The following TSC2 variants were observed in gnomAD, a reference collection of about 807,000 sequenced individuals.
TSC2 encodes tuberin.
TSC2 carries 29 observed loss-of-function variants against 202.2 expected under a neutral mutation model. The ratio of observed to expected loss-of-function variants is 0.14; its 90% confidence interval spans 0.11 to 0.20. The LOEUF (loss-of-function observed/expected upper bound fraction) is 0.20, where lower values mean the gene tolerates loss of function less well. Among genes scored for constraint, TSC2 ranks in the 10% least tolerant of loss-of-function variants. The probability of loss-of-function intolerance (pLI) is 1.00; values close to 1 mark genes in which losing one functional copy is unlikely to be tolerated. For missense variants in TSC2, 2,429 were observed against 2,420.0 expected (o/e 1.00, Z -0.08); for synonymous variants, 1,349 against 1,044.0 (o/e 1.29, Z -5.63).
chr16:2,048,015 T>C lies in TSC2; in HGVS notation c.-80T>C. The C allele has an allele frequency of 1.4e-6, 2 of 1,464,588 alleles. No homozygotes were observed. Among genetic ancestry groups the C allele is most frequent in the Non-Finnish European group, 1.8e-6 (2 of 1,112,894 alleles). 90.7% of individuals were successfully genotyped at this position (1,464,588 alleles called of 1,614,324 possible). A position where few individuals can be genotyped will look rare whatever the true frequency, so the allele number is the denominator to read the frequency against. On this transcript the variant is annotated 5_prime_UTR_variant, in exon 1 of 42. Transcript: ENST00000219476. Reference sequence around the variant, plus strand: ...CGGCGGCGTCCCGGGGCCAGGGGGGTGCGCCTTTCTCCGCGTCGGGGCGGC... The same window carrying C: ...CGGCGGCGTCCCGGGGCCAGGGGGGCGCGCCTTTCTCCGCGTCGGGGCGGC...
chr16:2,048,519 A>T (rs1304564959), intron 1 of TSC2, 68 bp from the exon 2 acceptor site: 1 of 1,595,216 alleles, frequency 6.3e-7, no homozygotes, highest in Non-Finnish European at 8.6e-7. Context: ...TGACGGCTGG[A>T]GGTCCGCAGT....
At position 2,077,613 on chromosome 16, in the gene TSC2, A is replaced by AC. The variant is rs796053504; in HGVS notation, c.2859dup (p.Lys954GlnfsTer6). On this transcript the variant is annotated frameshift_variant, in exon 26 of 42. Transcript: ENST00000219476. LOFTEE classifies it high-confidence loss of function. ...CACCCGATAGTCTGAGGATAGCCAG[A>AC]CCCCCCAAACAAGGCTTGAATAACT... 6.8e-6 allele frequency: 11 copies of AC among 1,612,672 alleles called. No individual in the cohort carries two copies. Among genetic ancestry groups the AC allele is most frequent in the East Asian group, 4.5e-5 (2 of 44,866 alleles).
intron 10 of TSC2, among the ~76,000 whole-genome samples, chr16:2,059,686 A>C (rs1024950795): frequency 6.6e-6 from 1 of 151,908 alleles, no homozygotes; most frequent in South Asian, 2.1e-4. Context: ...CACACAGCTA[A>C]TTTTTTATTT....
intron 38 of TSC2, 185 bp downstream of exon 38, chr16:2,087,056 C>A: frequency 1.2e-6 from 1 of 843,896 alleles, no homozygotes; most frequent in Non-Finnish European, 1.8e-6. Context: ...TGCCCTGAAG[C>A]CTGTGGCGCC....
Position 2,065,544 on chromosome 16 carries a change from C to T in TSC2, c.1625C>T (p.Pro542Leu), listed in dbSNP as rs764191178. The T allele has an allele frequency of 2.5e-6, 4 of 1,613,690 alleles. No homozygotes were observed. The highest frequency in any genetic ancestry group is 3.4e-6 in the Non-Finnish European group (4 of 1,180,004). ...EKVMARSLSP[P>L]PELEERDVAA... ...GTGATGGCCCGCTCCCTCTCCCCAC[C>T]CCCGGAGCTGGAAGAAAGGGATGTG... Residue 542 changes from proline (P) to leucine (L), a missense_variant, in exon 16 of 42, where the codon CCC becomes CTC. Transcript: ENST00000219476.
intron 34 of TSC2, 71 bp from the exon 35 acceptor site, chr16:2,084,880 T>A (rs1243430811): frequency 1.2e-6 from 2 of 1,604,092 alleles, no homozygotes; most frequent in Non-Finnish European, 1.7e-6. Flanking sequence ...AGGCTCTGTG[T>A]TCCTCCCTGT....
chr16:2,070,851 A>G lies in TSC2; in HGVS notation c.1839+273A>G, dbSNP rs565716724. Among the ~76,000 whole-genome samples the G allele has an allele frequency of 4.0e-4, 61 of 152,302 alleles. 1 individual carries two copies. The highest frequency in any genetic ancestry group is 3.1e-3 in the South Asian group (15 of 4,818). Reference sequence around the variant, plus strand: ...CGCACGGCGACTTCCGGGGCAGTGCATGGCCCTGACGCTCCTGGTGCTGCA... The same window carrying G: ...CGCACGGCGACTTCCGGGGCAGTGCGTGGCCCTGACGCTCCTGGTGCTGCA... On this transcript the variant is annotated intron_variant, in intron 17 of 41. Transcript: ENST00000219476.
chr16:2,062,460 AG>A (rs771131845), intron 12 of TSC2, 36 bp from the exon 13 acceptor site: 1 of 1,565,882 alleles, frequency 6.4e-7, no homozygotes, highest in Non-Finnish European at 8.7e-7. Context: ...AGAGCGCCGG[AG>A]GGGCAGAGGG....
intron 17 of TSC2, 199 bp from the exon 18 acceptor site, chr16:2,071,304 AAGGGAGG>A: frequency 1.6e-6 from 1 of 629,496 alleles, no homozygotes; most frequent in Non-Finnish European, 2.9e-6. Flanking sequence ...GCTCCGAGGC[AAGGGAGG>A]GAGGAGGCTG....
rs2151157676 is a variant in TSC2 at position 2,062,026 on chromosome 16, G to A, written c.1257+18G>A. On this transcript the variant is annotated intron_variant, in intron 12 of 41. Coordinates refer to ENST00000219476, the MANE Select transcript of TSC2 (RefSeq NM_000548.5). ...AGAGGCCTGTGAGACCCCCTCCTGGGTGGGGCCTTTGGGCTTTGGCTGGTG... is the reference window on the plus strand; with the variant it reads ...AGAGGCCTGTGAGACCCCCTCCTGGATGGGGCCTTTGGGCTTTGGCTGGTG... 1 of 1,613,964 alleles carries A rather than the reference G, an allele frequency of 6.2e-7. No homozygotes were observed.
intron 16 of TSC2, among the ~76,000 whole-genome samples, chr16:2,067,393 C>T (rs372846411): frequency 6.6e-6 from 1 of 151,682 alleles, no homozygotes; most frequent in African/African-American, 2.4e-5. Context: ...ACCTCCTGGC[C>T]TCAAGCAGTT....
In TSC2 at chr16:2,055,403, T is replaced by C. The variant is rs2151058449; in HGVS notation, c.483T>C (p.Ala161=). Residue 161 remains alanine (A), a splice_region_variant and synonymous_variant, in exon 6 of 42, where the codon GCT becomes GCC. Coordinates refer to ENST00000219476, the MANE Select transcript of TSC2 (RefSeq NM_000548.5). The part of the protein sequence containing the change: ...RHITYLEEEL[A]DFVLQWMDVG... ...AAACTGCCGCCGCTTCTCCCCCAGCTGACTTTGTCCTGCAGTGGATGGATG... is the reference window on the plus strand; with the variant it reads ...AAACTGCCGCCGCTTCTCCCCCAGCCGACTTTGTCCTGCAGTGGATGGATG... 6.2e-7 allele frequency: 1 copy of C among 1,614,076 alleles called. No homozygotes were observed. The highest frequency in any genetic ancestry group is 1.1e-5 in the South Asian group (1 of 91,080).
At position 2,089,466 on chromosome 16, in the gene TSC2, T is replaced by A. The variant is rs1596469736; in HGVS notation, c.*856T>A. 1.9e-6 allele frequency: 1 copy of A among 538,078 alleles called. No homozygotes were observed. The highest frequency in any genetic ancestry group is 3.3e-5 in the Admixed American group (1 of 30,412). The allele number at this position is 538,078 out of a possible 1,614,324, so 33.3% of individuals were successfully genotyped here. A position where few individuals can be genotyped will look rare whatever the true frequency, so the allele number is the denominator to read the frequency against. ...CGCTGTACCTGAGGACTCGGGGAAA[T>A]AAATTAGCATCTCAGAGGCTAGAAA... On this transcript the variant is annotated 3_prime_UTR_variant, in exon 42 of 42. Transcript: ENST00000219476.
intron 5 of TSC2, chr16:2,055,123 CCT>C (rs1384617059): frequency 3.9e-6 from 2 of 518,910 alleles, no homozygotes; most frequent in African/African-American, 3.8e-5. Flanking sequence ...CGGGTTGGGC[CCT>C]GAGTGTACGG....
At chr16:2,078,889 G>T (rs2089761171) in intron 26 of TSC2, 143 bp from the exon 27 acceptor site, 2 of 1,053,974 alleles carry the variant, frequency 1.9e-6, no homozygotes, top group Non-Finnish European at 2.9e-6. Context: ...TCAAGCTGAG[G>T]CTCGCTGGGC....
Position 2,088,752 on chromosome 16 carries a change from G to T in TSC2, c.*142G>T, listed in dbSNP as rs2091249607. ...TTATTGACTTTGTCTGCTTGGTGCG[G>T]GGGTTGGGGGGGTGTCGAGGCTCTA... On this transcript the variant is annotated 3_prime_UTR_variant, in exon 42 of 42. Coordinates refer to ENST00000219476, the MANE Select transcript of TSC2 (RefSeq NM_000548.5). The T allele has an allele frequency of 1.7e-6, 2 of 1,182,936 alleles. No homozygotes were observed. Among genetic ancestry groups the T allele is most frequent in the Admixed American group, 2.4e-5 (1 of 41,038 alleles). 73.3% of individuals were successfully genotyped at this position (1,182,936 alleles called of 1,614,324 possible).
At chr16:2,072,607 C>T in intron 20 of TSC2, 3 of 794,438 alleles carry the variant, frequency 3.8e-6, no homozygotes, top group Non-Finnish European at 5.9e-6. Flanking sequence ...ATGTGGATGT[C>T]TCCCATCTGT....
rs539842227 is a variant in TSC2, at chr16:2,081,508, A to C, written c.3611-87A>C. On this transcript the variant is annotated intron_variant, in intron 30 of 41. Coordinates refer to ENST00000219476, the MANE Select transcript of TSC2 (RefSeq NM_000548.5). ...TGGGAGGGAGCATGAGGGCAAAACC[A>C]GGGCCCAGGCCAGGAGGCCCCTGGG... 1.1e-4 allele frequency: 178 copies of C among 1,563,924 alleles called. 2 individuals carry two copies. In the South Asian group the frequency reaches 1.5e-3, roughly 13 times the overall value.
rs764091433 is a variant in TSC2, at chr16:2,065,587, C to T, written c.1668C>T (p.Ser556=). 6.2e-7 allele frequency: 1 copy of T among 1,613,858 alleles called. No homozygotes were observed. Among genetic ancestry groups the T allele is most frequent in the Non-Finnish European group, 8.5e-7 (1 of 1,180,006 alleles). The part of the protein sequence containing the change: ...EERDVAAYSA[S]LEDVKTAVLG... The stretch of plus-strand genomic sequence containing the variant: ...GGGATGTGGCCGCATACTCGGCCTC[C>T]TTGGAGGATGTGAAGACAGCCGTCC... The change falls in exon 16 of 42, where the codon TCC becomes TCT. Residue 556 remains serine (S), a synonymous_variant. Transcript: ENST00000219476.
Sources: gnomAD v4.1 joint callset for allele counts (sites outside exome capture counted in the v4.1 genomes callset) on GRCh38, gnomAD v4.1.1 for gene constraint, MANE v1.5 for transcripts, NCBI Gene and HGNC (gene_info 2026-07-23, HGNC 2026-07-21) for gene names.